The following SPAG16 variants were observed in gnomAD, a reference collection of about 807,000 sequenced individuals.
SPAG16 encodes the protein sperm associated antigen 16, also known as sperm-associated antigen 16 protein.
SPAG16 carries 86 observed loss-of-function variants against 80.4 expected under a neutral mutation model. The observed-to-expected ratio is 1.07, with a 90% confidence interval of 0.90 to 1.28. SPAG16 has a LOEUF of 1.28. SPAG16 is among the 50% of genes most tolerant of loss of function. The pLI is 0.00. For missense variants in SPAG16, 870 were observed against 765.3 expected (o/e 1.14, Z -1.61); for synonymous variants, 294 against 265.9 (o/e 1.11, Z -1.03).
At chr2:213,643,653 C>G (rs2062708629) in intron 10 of SPAG16, among the ~76,000 whole-genome samples, 1 of 149,466 alleles carries the variant, frequency 6.7e-6, no homozygotes, top group Non-Finnish European at 1.5e-5. Context: ...TAGATTTGCC[C>G]TTTGGAGGCT....
intron 10 of SPAG16, among the ~76,000 whole-genome samples, chr2:213,674,015 G>A (rs1157735911): frequency 6.6e-6 from 1 of 151,714 alleles, no homozygotes; most frequent in Non-Finnish European, 1.5e-5. Flanking sequence ...CATTATTTTG[G>A]TGCTGTTTAT....
intron 10 of SPAG16, among the ~76,000 whole-genome samples, chr2:213,747,927 T>C (rs996581585): frequency 1.3e-5 from 2 of 152,266 alleles, no homozygotes; most frequent in Non-Finnish European, 2.9e-5. Context: ...AAGTATGCTA[T>C]TGAGACAGCT....
chr2:213,473,470 T>C (rs1254185403), intron 9 of SPAG16, among the ~76,000 whole-genome samples: 1 of 152,194 alleles, frequency 6.6e-6, no homozygotes, highest in African/African-American at 2.4e-5. Context: ...AGTTATATCT[T>C]CTGGACCCTC....
intron 3 of SPAG16, among the ~76,000 whole-genome samples, chr2:213,303,341 G>A (rs2126093001): frequency 6.6e-6 from 1 of 151,810 alleles, no homozygotes; most frequent in Non-Finnish European, 1.5e-5. Flanking sequence ...TGTACAATGT[G>A]CAATAATCAC....
intron 10 of SPAG16, among the ~76,000 whole-genome samples, chr2:213,512,882 A>T (rs2075281028): frequency 6.6e-6 from 1 of 152,020 alleles, no homozygotes; most frequent in Non-Finnish European, 1.5e-5. Flanking sequence ...TCCCACCAAG[A>T]CTGGAAATAG....
intron 11 of SPAG16, among the ~76,000 whole-genome samples, chr2:213,911,216 G>A (rs1184372063): frequency 6.6e-6 from 1 of 152,214 alleles, no homozygotes; most frequent in East Asian, 1.9e-4. Flanking sequence ...CACGATCACA[G>A]CTCACTGCAA....
chr2:213,497,810 T>G (rs2074563416), intron 10 of SPAG16, among the ~76,000 whole-genome samples: 1 of 152,154 alleles, frequency 6.6e-6, no homozygotes. Flanking sequence ...CATTCCATTT[T>G]TACATAAAAC....
At chr2:213,558,404 T>C (rs928786605) in intron 10 of SPAG16, among the ~76,000 whole-genome samples, 2 of 152,044 alleles carry the variant, frequency 1.3e-5, no homozygotes, top group East Asian at 1.9e-4. Flanking sequence ...TAAATGCTTA[T>C]AATAAAATAT....
intron 9 of SPAG16, among the ~76,000 whole-genome samples, chr2:213,439,902 A>G (rs1196256593): frequency 6.6e-6 from 1 of 152,232 alleles, no homozygotes; most frequent in Non-Finnish European, 1.5e-5. Context: ...TACAATTACA[A>G]AAAACTCTAT....
intron 10 of SPAG16, among the ~76,000 whole-genome samples, chr2:213,636,258 G>T (rs1283824272): frequency 2.6e-5 from 4 of 152,138 alleles, no homozygotes; most frequent in Non-Finnish European, 5.9e-5. Flanking sequence ...TCAGTTGGCT[G>T]TAAGTATTTG....
At chr2:213,605,831 A>G (rs968324887) in intron 10 of SPAG16, among the ~76,000 whole-genome samples, 1 of 152,172 alleles carries the variant, frequency 6.6e-6, no homozygotes, top group Admixed American at 6.5e-5. Context: ...CATAATTTAC[A>G]TATACATAGT....
intron 11 of SPAG16, among the ~76,000 whole-genome samples, chr2:213,884,603 T>A (rs149619609): frequency 6.6e-6 from 1 of 152,306 alleles, no homozygotes; most frequent in East Asian, 1.9e-4. Flanking sequence ...AAGTTGTTTA[T>A]TCTCTCTCCT....
In SPAG16 at chr2:213,912,848, A is replaced by G. The variant is rs142063263; in HGVS notation, c.1215-17112A>G. Among the ~76,000 whole-genome samples the G allele has an allele frequency of 3.9e-5, 6 of 152,242 alleles. No homozygotes were observed. The East Asian group carries it at 5.8e-4, about 15-fold the overall frequency. On this transcript the variant is annotated intron_variant, in intron 11 of 15. Coordinates refer to ENST00000331683, the MANE Select transcript of SPAG16 (RefSeq NM_024532.5). ...TCATAAACAATACCCCCAAAAAACA[A>G]ATTATCATGTTAAATCACTGAAATT...
At chr2:214,121,930 A>G (rs1240447392) in intron 14 of SPAG16, among the ~76,000 whole-genome samples, 2 of 151,860 alleles carry the variant, frequency 1.3e-5, no homozygotes, top group Non-Finnish European at 3.0e-5. Context: ...TAAAATTTTT[A>G]AAAAGTCAGA....
At chr2:213,767,043 G>A (rs2068972219) in intron 10 of SPAG16, among the ~76,000 whole-genome samples, 1 of 152,124 alleles carries the variant, frequency 6.6e-6, no homozygotes, top group African/African-American at 2.4e-5. Context: ...TTGTTTTTGT[G>A]GACATAGCCA....
intron 7 of SPAG16, among the ~76,000 whole-genome samples, chr2:213,363,716 A>G (rs915562766): frequency 6.6e-6 from 1 of 152,104 alleles, no homozygotes; most frequent in African/African-American, 2.4e-5. Flanking sequence ...TTTTATAAAT[A>G]TAAAGATGAT....
At chr2:214,220,505 T>C (rs1020638555) in intron 15 of SPAG16, among the ~76,000 whole-genome samples, 2 of 152,116 alleles carry the variant, frequency 1.3e-5, no homozygotes, top group South Asian at 4.1e-4. Context: ...TCACTGCTAC[T>C]CCCCAACCCA....
Position 214,062,103 on chromosome 2 carries a change from G to A in SPAG16, c.1528-46093G>A, listed in dbSNP as rs150444215. 2.2e-3 allele frequency among the ~76,000 whole-genome samples: 329 copies of A among 151,474 alleles called. 1 individual carries two copies. The highest frequency in any genetic ancestry group is 6.9e-3 in the Middle Eastern group (2 of 290). On this transcript the variant is annotated intron_variant, in intron 13 of 15. Coordinates refer to ENST00000331683, the MANE Select transcript of SPAG16 (RefSeq NM_024532.5). ...AGCATTTCTATTGTGATCTTTAATA[G>A]ACATCTTAAAGTTACATCAAAAACC...
rs566052677 is a variant in SPAG16 at position 214,275,172 on chromosome 2, T to C, written c.1720+125906T>C. ...CTTTACCATTTTTTATTGTGTCTAT[T>C]TGATTCTTCTCTCTTTTCTTCTTTA... On this transcript the variant is annotated intron_variant, in intron 15 of 15. Coordinates refer to ENST00000331683, the MANE Select transcript of SPAG16 (RefSeq NM_024532.5). 3.9e-5 allele frequency among the ~76,000 whole-genome samples: 6 copies of C among 152,326 alleles called. 1 individual carries two copies. The South Asian group carries it at 1.2e-3, about 32-fold the overall frequency.
Sources: allele counts gnomAD v4.1 joint callset (sites outside exome capture counted in the v4.1 genomes callset), GRCh38; gene constraint gnomAD v4.1.1; transcripts MANE v1.5; gene names NCBI Gene and HGNC (gene_info 2026-07-23, HGNC 2026-07-21).